PPM1H: variants seen among roughly 807,000 people sequenced by gnomAD.
PPM1H encodes protein phosphatase 1H.
In PPM1H, 27 loss-of-function variants were observed where a neutral mutation model predicts 54.9. That is an observed-to-expected ratio of 0.49 (90% CI 0.36 to 0.68). The LOEUF (loss-of-function observed/expected upper bound fraction) is 0.68, where lower values mean the gene tolerates loss of function less well. PPM1H is among the 30% of genes least tolerant of loss of function. The pLI is 0.00. For missense variants in PPM1H, 596 were observed against 667.8 expected (o/e 0.89, Z 1.19); for synonymous variants, 305 against 270.8 (o/e 1.13, Z -1.24).
chr12:62,858,462 G>A (rs78579931), intron 1 of PPM1H, among the ~76,000 whole-genome samples: 2 of 151,528 alleles, frequency 1.3e-5, no homozygotes, highest in East Asian at 1.9e-4. Flanking sequence ...TGTTGTTGTT[G>A]TTGTTTTTTT....
chr12:62,932,628 C>CTTTTTTTTTTTTTTTTT lies in PPM1H; in HGVS notation c.245+1847_245+1863dup, dbSNP rs61003358. ...CTGTCTCGTAAAGGGTCCAAATGGG[C>CTTTTTTTTTTTTTTTTT]TTTTTTTTTTTTTTTTTTTTTTTGA... On this transcript the variant is annotated intron_variant, in intron 1 of 9. Coordinates refer to ENST00000228705, the MANE Select transcript of PPM1H (RefSeq NM_020700.2). 5.8e-3 allele frequency among the ~76,000 whole-genome samples: 315 copies of CTTTTTTTTTTTTTTTTT among 54,010 alleles called. 87 individuals are homozygous for CTTTTTTTTTTTTTTTTT. The highest frequency in any genetic ancestry group is 6.8e-3 in the East Asian group (12 of 1,756). 35.4% of individuals were successfully genotyped at this position (54,010 alleles called of 152,430 possible).
chr12:62,829,611 G>C (rs940067213), intron 2 of PPM1H, among the ~76,000 whole-genome samples: 1 of 152,218 alleles, frequency 6.6e-6, no homozygotes, highest in East Asian at 1.9e-4. Flanking sequence ...GCTGTGGTCG[G>C]AGCAGGACTG....
At chr12:62,661,927 C>T (rs1182695067) in intron 9 of PPM1H, among the ~76,000 whole-genome samples, 1 of 151,796 alleles carries the variant, frequency 6.6e-6, no homozygotes, top group African/African-American at 2.4e-5. Flanking sequence ...TTGCAATTTT[C>T]CCTTTCATTC....
At chr12:62,860,213 C>T (rs1346755745) in intron 1 of PPM1H, among the ~76,000 whole-genome samples, 1 of 152,058 alleles carries the variant, frequency 6.6e-6, no homozygotes, top group Non-Finnish European at 1.5e-5. Flanking sequence ...CTTATAAAAC[C>T]ATTACCATTA....
intron 8 of PPM1H, among the ~76,000 whole-genome samples, chr12:62,668,488 G>T (rs922163078): frequency 6.6e-6 from 1 of 152,156 alleles, no homozygotes; most frequent in Non-Finnish European, 1.5e-5. Flanking sequence ...CGATTCTCCC[G>T]CTTCAGCCTC....
intron 4 of PPM1H, among the ~76,000 whole-genome samples, chr12:62,747,348 C>G (rs939251213): frequency 1.3e-5 from 2 of 152,110 alleles, no homozygotes; most frequent in African/African-American, 2.4e-5. Context: ...GTTGGTCAGG[C>G]TGATCTCAAA....
At chr12:62,864,780 T>G (rs1410594324) in intron 1 of PPM1H, among the ~76,000 whole-genome samples, 1 of 152,236 alleles carries the variant, frequency 6.6e-6, no homozygotes, top group Non-Finnish European at 1.5e-5. Flanking sequence ...AATGTTTTTA[T>G]GAGAAACTTG....
chr12:62,718,301 C>T (rs554325885), intron 6 of PPM1H, among the ~76,000 whole-genome samples: 15 of 152,202 alleles, frequency 9.9e-5, no homozygotes, highest in African/African-American at 3.4e-4. Flanking sequence ...ATTTTCGTTC[C>T]ATGTTTTCTG....
intron 1 of PPM1H, among the ~76,000 whole-genome samples, chr12:62,905,159 T>C (rs1195044666): frequency 6.6e-6 from 1 of 152,170 alleles, no homozygotes; most frequent in Non-Finnish European, 1.5e-5. Flanking sequence ...GAGACAGTAT[T>C]GGTAGAGAGC....
intron 3 of PPM1H, among the ~76,000 whole-genome samples, chr12:62,795,733 T>C (rs2076729892): frequency 6.6e-6 from 1 of 151,752 alleles, no homozygotes; most frequent in South Asian, 2.1e-4. Flanking sequence ...CGCCCAGCCT[T>C]GTTTTGTTTT....
intron 4 of PPM1H, among the ~76,000 whole-genome samples, chr12:62,744,952 C>CT (rs1262507117): frequency 6.6e-6 from 1 of 152,226 alleles, no homozygotes; most frequent in Non-Finnish European, 1.5e-5. Flanking sequence ...CCTGCCAGCG[C>CT]TGCATGTCAT....
At chr12:62,756,263 CGAGAGAGGAA>C in intron 4 of PPM1H, 3 of 691,916 alleles carry the variant, frequency 4.3e-6, no homozygotes, top group Non-Finnish European at 7.9e-6. Flanking sequence ...CCAGCGAGAG[CGAGAGAGGAA>C]GAGAGAGGCC....
At chr12:62,714,118 A>G (rs1269678435) in intron 6 of PPM1H, among the ~76,000 whole-genome samples, 1 of 152,190 alleles carries the variant, frequency 6.6e-6, no homozygotes, top group Non-Finnish European at 1.5e-5. Context: ...ACTTTCTGTG[A>G]TGATGGAGAC....
intron 6 of PPM1H, among the ~76,000 whole-genome samples, chr12:62,714,324 G>C (rs1001482507): frequency 6.6e-6 from 1 of 152,206 alleles, no homozygotes; most frequent in Non-Finnish European, 1.5e-5. Context: ...CTCAATAAAA[G>C]TAGAAAGTGC....
At chr12:62,733,847 A>C (rs946139288) in intron 5 of PPM1H, among the ~76,000 whole-genome samples, 1 of 152,216 alleles carries the variant, frequency 6.6e-6, no homozygotes, top group African/African-American at 2.4e-5. Flanking sequence ...CTGATTGTTT[A>C]AGGGCGACAC....
At chr12:62,835,865 A>G (rs1338286243) in intron 1 of PPM1H, among the ~76,000 whole-genome samples, 2 of 152,236 alleles carry the variant, frequency 1.3e-5, no homozygotes, top group African/African-American at 4.8e-5. Flanking sequence ...ATCAACTTAA[A>G]TATTTTATTT....
At chr12:62,873,278 C>T (rs1870050637) in intron 1 of PPM1H, among the ~76,000 whole-genome samples, 1 of 152,222 alleles carries the variant, frequency 6.6e-6, no homozygotes, top group Non-Finnish European at 1.5e-5. Context: ...TCTGTACATC[C>T]TCAACTACAC....
chr12:62,730,268 G>A (rs897604569), intron 5 of PPM1H, among the ~76,000 whole-genome samples: 23 of 152,250 alleles, frequency 1.5e-4, no homozygotes, highest in African/African-American at 5.1e-4. Flanking sequence ...GAAGTTTCCC[G>A]TTTAAGCTGT....
At chr12:62,925,399 G>A (rs1592673925) in intron 1 of PPM1H, among the ~76,000 whole-genome samples, 1 of 151,908 alleles carries the variant, frequency 6.6e-6, no homozygotes, top group African/African-American at 2.4e-5. Flanking sequence ...GGCAACATGA[G>A]GAAACTCGTC....
Sources: allele counts gnomAD v4.1 joint callset (sites outside exome capture counted in the v4.1 genomes callset), GRCh38; gene constraint gnomAD v4.1.1; transcripts MANE v1.5; gene names NCBI Gene and HGNC (gene_info 2026-07-23, HGNC 2026-07-21).